CCDC88A: variants seen among roughly 807,000 people sequenced by gnomAD.
The protein encoded by CCDC88A is coiled-coil and HOOK domain protein 88A.
CCDC88A carries 54 observed loss-of-function variants against 234.3 expected under a neutral mutation model. The observed-to-expected ratio is 0.23, with a 90% CI of 0.19 to 0.29. CCDC88A has a LOEUF of 0.29. Among genes scored for constraint, CCDC88A ranks in the 10% least tolerant of loss-of-function variants. The pLI, the probability that CCDC88A is intolerant of heterozygous loss-of-function variation, is 1.00. For missense variants in CCDC88A, 1,832 were observed against 2,123.4 expected (o/e 0.86, Z 2.70); for synonymous variants, 753 against 737.8 (o/e 1.02, Z -0.33).
At chr2:55,337,620 A>G (rs902919367) in intron 13 of CCDC88A, 5 of 152,148 alleles carry the variant, frequency 3.3e-5, no homozygotes, top group African/African-American at 9.7e-5. Context: ...CAATCTTCCA[A>G]TAATATTTCC....
rs1369763846 is a variant in CCDC88A, at chr2:55,289,156, A to G, written c.*2044T>C. On this transcript the variant is annotated 3_prime_UTR_variant, in exon 33 of 33. Coordinates refer to ENST00000436346, the MANE Select transcript of CCDC88A (RefSeq NM_001365480.1). ...CTTAACCCAGCATGTTCTGTATTTT[A>G]GGATATTAGTGTTCTGGAGAGGTCA... The G allele has an allele frequency of 2.6e-5, 4 of 152,580 alleles. No individual in the cohort carries two copies. The highest frequency in any genetic ancestry group is 4.4e-5 in the Non-Finnish European group (3 of 68,012). 9.5% of individuals were successfully genotyped at this position (152,580 alleles called of 1,614,324 possible). A position where few individuals can be genotyped will look rare whatever the true frequency, so the allele number is the denominator to read the frequency against.
chr2:55,325,284 A>G (rs1016414136), intron 17 of CCDC88A, among the ~76,000 whole-genome samples: 1 of 152,202 alleles, frequency 6.6e-6, no homozygotes, highest in Non-Finnish European at 1.5e-5. Flanking sequence ...ATTCATCCAT[A>G]AGTATTTCAT....
At chr2:55,396,869 C>CAAAA (rs34500780) in intron 2 of CCDC88A, among the ~76,000 whole-genome samples, 3 of 58,874 alleles carry the variant, frequency 5.1e-5, no homozygotes, top group Admixed American at 2.4e-4. Context: ...GACTCCATCT[C>CAAAA]AAAAAAAAAA....
intron 7 of CCDC88A, among the ~76,000 whole-genome samples, chr2:55,361,037 G>A (rs1268983891): frequency 6.6e-6 from 1 of 151,712 alleles, no homozygotes; most frequent in African/African-American, 2.4e-5. Context: ...AGTGAGCCGA[G>A]ACCACACCAC....
In CCDC88A at chr2:55,419,840, G is replaced by A. The variant is rs1411858517; in HGVS notation, c.-761C>T. The A allele has an allele frequency of 6.6e-6, 1 of 152,222 alleles. No homozygotes were observed. Among genetic ancestry groups the A allele is most frequent in the Non-Finnish European group, 1.5e-5 (1 of 68,140 alleles). The allele number at this position is 152,222 out of a possible 1,614,324, so 9.4% of individuals were successfully genotyped here. A position where few individuals can be genotyped will look rare whatever the true frequency, so the allele number is the denominator to read the frequency against. On this transcript the variant is annotated 5_prime_UTR_variant, in exon 1 of 33. Transcript: ENST00000436346. The stretch of plus-strand genomic sequence containing the variant: ...CGCTCCAGCCTTCTCCGCCCTCTAT[G>A]GAGAAGCCGGAGTAACGGCCTCAGA...
At chr2:55,305,134 C>T (rs1488302087) in intron 25 of CCDC88A, among the ~76,000 whole-genome samples, 1 of 152,234 alleles carries the variant, frequency 6.6e-6, no homozygotes, top group African/African-American at 2.4e-5. Context: ...TAAAACAAAG[C>T]TGAGTGGTTG....
chr2:55,375,745 C>T (rs982708661), intron 3 of CCDC88A, among the ~76,000 whole-genome samples: 13 of 151,740 alleles, frequency 8.6e-5, no homozygotes, highest in Non-Finnish European at 1.8e-4. Context: ...CCAGGCTGGT[C>T]ATGAACTCCT....
At chr2:55,292,448 G>A (rs1296662886) in intron 31 of CCDC88A, 1 of 151,918 alleles carries the variant, frequency 6.6e-6, no homozygotes, top group Non-Finnish European at 1.5e-5. Flanking sequence ...TAAAATTTGG[G>A]GCATCTATGT....
At chr2:55,373,097 C>T (rs558173681) in intron 4 of CCDC88A, among the ~76,000 whole-genome samples, 3 of 152,154 alleles carry the variant, frequency 2.0e-5, no homozygotes, top group Admixed American at 6.5e-5. Context: ...AGAATATTCC[C>T]TGTCCAACAG....
At chr2:55,331,730 G>T (rs1039518611) in intron 16 of CCDC88A, 1 of 152,034 alleles carries the variant, frequency 6.6e-6, no homozygotes, top group Non-Finnish European at 1.5e-5. Flanking sequence ...AACCTATATT[G>T]ATCATTTTTA....
chr2:55,415,433 A>G (rs1252609359), intron 2 of CCDC88A, among the ~76,000 whole-genome samples: 1 of 152,248 alleles, frequency 6.6e-6, no homozygotes, highest in African/African-American at 2.4e-5. Context: ...GACATTGGAC[A>G]TCAGGCAACA....
At chr2:55,406,194 T>C (rs1269418232) in intron 2 of CCDC88A, 2 of 151,436 alleles carry the variant, frequency 1.3e-5, no homozygotes, top group Non-Finnish European at 2.9e-5. Context: ...TTCTGAATCA[T>C]TACATGTACA....
intron 3 of CCDC88A, among the ~76,000 whole-genome samples, chr2:55,388,055 T>C (rs1675993845): frequency 6.6e-6 from 1 of 152,142 alleles, no homozygotes; most frequent in South Asian, 2.1e-4. Context: ...TTGCTCTCAC[T>C]CTGCGCCCAA....
At chr2:55,382,043 T>C (rs563933436) in intron 3 of CCDC88A, among the ~76,000 whole-genome samples, 1 of 152,248 alleles carries the variant, frequency 6.6e-6, no homozygotes, top group East Asian at 1.9e-4. Context: ...TAGTAGACTA[T>C]AGGAAAAATT....
chr2:55,322,489 TA>T (rs752221100), intron 18 of CCDC88A, 38 bp downstream of exon 18: 59 of 1,242,138 alleles, frequency 4.7e-5, no homozygotes, highest in East Asian at 1.0e-4. Context: ...CCTCTATTTC[TA>T]AAAAAAACTA....
At chr2:55,396,212 T>C (rs1677523146) in intron 2 of CCDC88A, among the ~76,000 whole-genome samples, 1 of 152,240 alleles carries the variant, frequency 6.6e-6, no homozygotes, top group Non-Finnish European at 1.5e-5. Flanking sequence ...AGTATATTTG[T>C]AATTGGGAGA....
In CCDC88A at chr2:55,334,178, G is replaced by C; in HGVS notation, c.2643C>G (p.Val881=). Residue 881 remains valine, a synonymous_variant, in exon 15 of 33, where the codon GTC becomes GTG. Coordinates refer to ENST00000436346, the MANE Select transcript of CCDC88A (RefSeq NM_001365480.1). The surrounding 1 kb of genome is among the most constrained non-coding windows in gnomAD (Gnocchi z 6.1). ...KEIGIYKESC[V]RLKELEKENK... is the part of the protein sequence containing the mutation. The stretch of plus-strand genomic sequence containing the variant: ...TTTCTTTTTCTAGTTCTTTCAGACG[G>C]ACACAAGATTCTTTATATATACCAA... 1.5e-6 allele frequency: 2 copies of C among 1,377,558 alleles called. No individual in the cohort carries two copies. The highest frequency in any genetic ancestry group is 1.9e-6 in the Non-Finnish European group (2 of 1,062,876). The allele number at this position is 1,377,558 out of a possible 1,614,324, so 85.3% of individuals were successfully genotyped here. A position where few individuals can be genotyped will look rare whatever the true frequency, so the allele number is the denominator to read the frequency against.
intron 8 of CCDC88A, among the ~76,000 whole-genome samples, chr2:55,351,128 G>C (rs1435681670): frequency 2.6e-5 from 4 of 152,020 alleles, no homozygotes; most frequent in Non-Finnish European, 5.9e-5. Context: ...TTTTAAGAGA[G>C]AGGATGTCAC....
chr2:55,326,328 T>A (rs1428179653), intron 17 of CCDC88A, among the ~76,000 whole-genome samples: 1 of 152,034 alleles, frequency 6.6e-6, no homozygotes, highest in Non-Finnish European at 1.5e-5. Flanking sequence ...TGGATTTATT[T>A]TTTTATGAGT....
Sources: allele counts gnomAD v4.1 joint callset (sites outside exome capture counted in the v4.1 genomes callset), GRCh38; gene constraint gnomAD v4.1.1; non-coding constraint Gnocchi (gnomAD v3.1); transcripts MANE v1.5; gene names NCBI Gene and HGNC (gene_info 2026-07-23, HGNC 2026-07-21).